Variants in RABGAP1L observed in about 807,000 individuals in gnomAD.
RABGAP1L encodes the protein RAB GTPase activating protein 1 like.
A neutral mutation model predicts 137.7 loss-of-function variants in RABGAP1L; 63 were observed. The ratio of observed to expected loss-of-function variants is 0.46; its 90% CI spans 0.37 to 0.56. The LOEUF is 0.56. RABGAP1L is among the 20% of genes least tolerant of loss of function. The probability of loss-of-function intolerance (pLI) is 0.00; values close to 1 mark genes in which losing one functional copy is unlikely to be tolerated. For missense variants in RABGAP1L, 1,095 were observed against 1,244.0 expected (o/e 0.88, Z 1.80); for synonymous variants, 431 against 433.7 (o/e 0.99, Z 0.08).
At chr1:174,645,935 G>A (rs929249339) in intron 14 of RABGAP1L, among the ~76,000 whole-genome samples, 2 of 152,116 alleles carry the variant, frequency 1.3e-5, no homozygotes, top group African/African-American at 4.8e-5. Context: ...TTGTGGTTTT[G>A]ATATGCATTT....
intron 17 of RABGAP1L, among the ~76,000 whole-genome samples, chr1:174,709,363 C>G (rs1031577032): frequency 7.2e-5 from 11 of 152,194 alleles, no homozygotes; most frequent in Admixed American, 6.5e-4. Context: ...TCCCTGATAC[C>G]TATGCCACCT....
At chr1:174,544,385 A>C (rs1665798337) in intron 13 of RABGAP1L, among the ~76,000 whole-genome samples, 1 of 152,060 alleles carries the variant, frequency 6.6e-6, no homozygotes, top group Non-Finnish European at 1.5e-5. Flanking sequence ...CACTTGATTT[A>C]ATCAGCTGCT....
chr1:174,345,929 G>T (rs1229713045), intron 11 of RABGAP1L, among the ~76,000 whole-genome samples: 1 of 151,004 alleles, frequency 6.6e-6, no homozygotes, highest in Non-Finnish European at 1.5e-5. Context: ...TCTGTATCCA[G>T]TTTTTTTTTG....
At chr1:174,829,890 A>G (rs926045869) in intron 19 of RABGAP1L, among the ~76,000 whole-genome samples, 3 of 148,318 alleles carry the variant, frequency 2.0e-5, no homozygotes, top group Non-Finnish European at 3.0e-5. Flanking sequence ...GTATATCTGC[A>G]TATTTATGGT....
At chr1:174,233,266 A>T (rs1343059192) in intron 4 of RABGAP1L, among the ~76,000 whole-genome samples, 4 of 149,988 alleles carry the variant, frequency 2.7e-5, no homozygotes, top group African/African-American at 4.9e-5. Flanking sequence ...TATGAAGATA[A>T]TTTTTTTTTT....
intron 10 of RABGAP1L, among the ~76,000 whole-genome samples, chr1:174,287,665 G>T (rs1407840589): frequency 6.6e-6 from 1 of 151,938 alleles, no homozygotes; most frequent in Non-Finnish European, 1.5e-5. Flanking sequence ...GCTGATTTTT[G>T]CTTTTTTATT....
intron 13 of RABGAP1L, among the ~76,000 whole-genome samples, chr1:174,414,297 T>C (rs1571690317): frequency 6.6e-6 from 1 of 152,172 alleles, no homozygotes; most frequent in East Asian, 1.9e-4. Context: ...TTCAAACTCA[T>C]GTTGTTCAAG....
chr1:174,678,745 T>C (rs1677832216), intron 14 of RABGAP1L, among the ~76,000 whole-genome samples: 1 of 152,134 alleles, frequency 6.6e-6, no homozygotes, highest in Non-Finnish European at 1.5e-5. Flanking sequence ...TTTTGGGCCA[T>C]GTGGTGATTG....
chr1:174,906,006 G>A (rs1659014099), intron 19 of RABGAP1L, among the ~76,000 whole-genome samples: 1 of 152,178 alleles, frequency 6.6e-6, no homozygotes, highest in African/African-American at 2.4e-5. Context: ...GCAGAACAAG[G>A]AAGGGGAAGA....
chr1:174,651,252 C>A (rs1295674350), intron 14 of RABGAP1L, among the ~76,000 whole-genome samples: 1 of 151,938 alleles, frequency 6.6e-6, no homozygotes, highest in African/African-American at 2.4e-5. Flanking sequence ...GCTTTACTTC[C>A]AACTATGTGG....
At chr1:174,611,063 G>A (rs1304153291) in intron 13 of RABGAP1L, among the ~76,000 whole-genome samples, 2 of 149,588 alleles carry the variant, frequency 1.3e-5, no homozygotes, top group Non-Finnish European at 3.0e-5. Flanking sequence ...AGTTTAATTA[G>A]ATCCCATTTG....
At chr1:174,972,039 A>G (rs1574046543) in intron 21 of RABGAP1L, among the ~76,000 whole-genome samples, 2 of 152,342 alleles carry the variant, frequency 1.3e-5, no homozygotes, top group South Asian at 4.1e-4. Flanking sequence ...TCCTCTCTTG[A>G]GAACTCGCCC....
At chr1:174,775,339 G>A (rs1686439825) in intron 18 of RABGAP1L, among the ~76,000 whole-genome samples, 2 of 147,432 alleles carry the variant, frequency 1.4e-5, no homozygotes, top group East Asian at 2.0e-4. Flanking sequence ...TTGAGACTGA[G>A]TTTCGTTCTT....
At chr1:174,957,250 T>TCATA (rs770866660) in intron 19 of RABGAP1L, among the ~76,000 whole-genome samples, 13 of 152,210 alleles carry the variant, frequency 8.5e-5, no homozygotes, top group Non-Finnish European at 2.9e-5. Flanking sequence ...CAACTTAGAC[T>TCATA]ATATGGCCCA....
chr1:174,856,408 AAAAAAG>A lies in RABGAP1L; in HGVS notation c.2340+44453_2340+44458del, dbSNP rs756322101. ...AGACTCCCTCTCAATAAAAAAAAAA[AAAAAAG>A]AAAAGAAAAGAAAGTAAGACAACTT... On this transcript the variant is annotated intron_variant, in intron 19 of 25. Transcript: ENST00000681986. Among the ~76,000 whole-genome samples, 885 of 151,852 alleles carry A rather than the reference AAAAAAG, an allele frequency of 5.8e-3. 5 individuals are homozygous for A. The highest frequency in any genetic ancestry group is 8.2e-3 in the Non-Finnish European group (557 of 67,934).
chr1:174,836,082 C>CAACTGCTTCAGCAGCTAGCATATATTA (rs1692720971), intron 19 of RABGAP1L, among the ~76,000 whole-genome samples: 1 of 152,216 alleles, frequency 6.6e-6, no homozygotes, highest in African/African-American at 2.4e-5. Flanking sequence ...TTCTGTAATT[C>CAACTGCTTCAGCAGCTAGCATATATTA]AACTGCTTCA....
chr1:174,633,454 C>T (rs972743530), intron 13 of RABGAP1L, among the ~76,000 whole-genome samples: 2 of 151,642 alleles, frequency 1.3e-5, no homozygotes, highest in Non-Finnish European at 2.9e-5. Flanking sequence ...AATGGCCATA[C>T]TGCCCAAGGT....
chr1:174,490,304 C>T (rs1433001045), intron 13 of RABGAP1L, among the ~76,000 whole-genome samples: 1 of 152,162 alleles, frequency 6.6e-6, no homozygotes. Context: ...GCACCCCAAG[C>T]CCGGTAACAC....
chr1:174,920,120 C>CA (rs1482308290), intron 19 of RABGAP1L, among the ~76,000 whole-genome samples: 1 of 152,312 alleles, frequency 6.6e-6, no homozygotes, highest in East Asian at 1.9e-4. Flanking sequence ...AACTGTGACT[C>CA]AAAACAGATC....
Sources: gnomAD v4.1 joint callset for allele counts (sites outside exome capture counted in the v4.1 genomes callset) on GRCh38, gnomAD v4.1.1 for gene constraint, MANE v1.5 for transcripts, NCBI Gene and HGNC (gene_info 2026-07-23, HGNC 2026-07-21) for gene names.